The following CLSTN2 variants were observed in gnomAD, a reference collection of about 807,000 sequenced individuals.
CLSTN2 encodes calsyntenin 2.
CLSTN2 carries 48 observed loss-of-function variants against 101.2 expected under a neutral mutation model. That is an observed-to-expected ratio of 0.47 (90% confidence interval 0.38 to 0.60). CLSTN2 has a LOEUF of 0.60. CLSTN2 is among the 20% of genes least tolerant of loss of function. The pLI is 0.00. For synonymous variants in CLSTN2, 481 were observed against 463.6 expected (o/e 1.04, Z -0.48); for missense variants, 1,160 against 1,238.2 (o/e 0.94, Z 0.95).
At chr3:139,952,422 T>A (rs1046352604) in intron 1 of CLSTN2, among the ~76,000 whole-genome samples, 1 of 151,782 alleles carries the variant, frequency 6.6e-6, no homozygotes, top group Non-Finnish European at 1.5e-5. Flanking sequence ...TGACTTGACT[T>A]ACTAAAATGC....
intron 2 of CLSTN2, among the ~76,000 whole-genome samples, chr3:140,264,852 A>G (rs2086682385): frequency 6.6e-6 from 1 of 151,776 alleles, no homozygotes; most frequent in Non-Finnish European, 1.5e-5. Context: ...TAGATCTAAG[A>G]GTACAAGTGT....
intron 1 of CLSTN2, among the ~76,000 whole-genome samples, chr3:140,016,707 G>A (rs1457820169): frequency 1.4e-5 from 2 of 146,658 alleles, no homozygotes; most frequent in African/African-American, 2.5e-5. Flanking sequence ...GCTGAGGCAG[G>A]AGAATCGCTT....
chr3:140,383,791 A>G (rs2107965963), intron 2 of CLSTN2, among the ~76,000 whole-genome samples: 1 of 152,360 alleles, frequency 6.6e-6, no homozygotes, highest in East Asian at 1.9e-4. Context: ...TATTTACCAT[A>G]CAGTGAGATG....
chr3:140,163,647 T>C (rs1211157690), intron 1 of CLSTN2, among the ~76,000 whole-genome samples: 2 of 151,392 alleles, frequency 1.3e-5, no homozygotes, highest in Admixed American at 6.6e-5. Flanking sequence ...CATTGACTTC[T>C]TGTGGGGAGA....
At chr3:140,371,280 A>T (rs1382513909) in intron 2 of CLSTN2, among the ~76,000 whole-genome samples, 1 of 150,722 alleles carries the variant, frequency 6.6e-6, no homozygotes, top group Non-Finnish European at 1.5e-5. Flanking sequence ...GATAAGGGGT[A>T]GAGGCTGGAG....
intron 1 of CLSTN2, among the ~76,000 whole-genome samples, chr3:139,958,144 A>G (rs1935444092): frequency 6.6e-6 from 1 of 152,192 alleles, no homozygotes; most frequent in Non-Finnish European, 1.5e-5. Flanking sequence ...ACAGGAGGCC[A>G]GTCAGAGCAA....
intron 8 of CLSTN2, chr3:140,507,073 G>A (rs940145349): frequency 3.9e-5 from 6 of 152,136 alleles, no homozygotes; most frequent in Admixed American, 1.3e-4. Context: ...GAACATCGGG[G>A]GTTGAGCCTC....
chr3:139,940,254 G>A (rs1168815332), intron 1 of CLSTN2, among the ~76,000 whole-genome samples: 1 of 152,172 alleles, frequency 6.6e-6, no homozygotes, highest in Non-Finnish European at 1.5e-5. Context: ...GACAATTTAT[G>A]TGTTTTTCCT....
At chr3:140,475,193 C>T (rs574194150) in intron 8 of CLSTN2, among the ~76,000 whole-genome samples, 81 of 152,206 alleles carry the variant, frequency 5.3e-4, no homozygotes, top group Admixed American at 1.0e-3. Flanking sequence ...AGAGGCTGTA[C>T]CATGACTAAA....
chr3:140,130,254 G>A (rs1159146175), intron 1 of CLSTN2, among the ~76,000 whole-genome samples: 2 of 152,162 alleles, frequency 1.3e-5, no homozygotes, highest in African/African-American at 4.8e-5. Flanking sequence ...TTTGCCTTGT[G>A]GGAATGGCAG....
intron 1 of CLSTN2, among the ~76,000 whole-genome samples, chr3:140,005,214 C>A (rs1244828946): frequency 6.6e-6 from 1 of 152,200 alleles, no homozygotes; most frequent in Non-Finnish European, 1.5e-5. Flanking sequence ...CCCTTGGCCA[C>A]TAGTATTCTC....
chr3:139,996,356 C>T (rs560924236), intron 1 of CLSTN2, among the ~76,000 whole-genome samples: 160 of 152,296 alleles, frequency 1.1e-3, no homozygotes, highest in African/African-American at 3.8e-3. Context: ...TCCACATTTA[C>T]AAGATAATGC....
At chr3:140,529,488 T>A (rs1218142547) in intron 8 of CLSTN2, among the ~76,000 whole-genome samples, 1 of 152,244 alleles carries the variant, frequency 6.6e-6, no homozygotes, top group Non-Finnish European at 1.5e-5. Context: ...TTGCTGAATT[T>A]TCTTCTTTCT....
intron 5 of CLSTN2, among the ~76,000 whole-genome samples, chr3:140,444,640 T>C (rs1933034691): frequency 6.6e-6 from 1 of 152,198 alleles, no homozygotes; most frequent in Admixed American, 6.5e-5. Context: ...TAAACGGTAA[T>C]TTACCAATAA....
intron 1 of CLSTN2, among the ~76,000 whole-genome samples, chr3:139,997,719 G>A (rs1026652140): frequency 2.0e-5 from 3 of 151,918 alleles, no homozygotes; most frequent in African/African-American, 7.3e-5. Context: ...CATTTCAAAT[G>A]TACATTTTCA....
chr3:140,285,074 G>A (rs149914997), intron 2 of CLSTN2, among the ~76,000 whole-genome samples: 1 of 152,190 alleles, frequency 6.6e-6, no homozygotes, highest in East Asian at 1.9e-4. Flanking sequence ...CATTGCTGTG[G>A]GCAAGTGGAG....
chr3:139,967,644 T>C (rs1935623595), intron 1 of CLSTN2, among the ~76,000 whole-genome samples: 1 of 152,224 alleles, frequency 6.6e-6, no homozygotes, highest in African/African-American at 2.4e-5. Flanking sequence ...CCTTTCTGTT[T>C]CCCCTCCTGT....
At chr3:140,222,286 G>A (rs953668453) in intron 2 of CLSTN2, among the ~76,000 whole-genome samples, 2 of 152,184 alleles carry the variant, frequency 1.3e-5, no homozygotes, top group Non-Finnish European at 2.9e-5. Context: ...CATGGACATA[G>A]AGAGTAGAAG....
chr3:140,538,788 A>G (rs1935410069), intron 9 of CLSTN2, among the ~76,000 whole-genome samples: 1 of 152,230 alleles, frequency 6.6e-6, no homozygotes, highest in Admixed American at 6.5e-5. Context: ...CATGTTTTCC[A>G]AGGAGTTCTT....
Sources: allele counts gnomAD v4.1 joint callset (sites outside exome capture counted in the v4.1 genomes callset), GRCh38; gene constraint gnomAD v4.1.1; transcripts MANE v1.5; gene names NCBI Gene and HGNC (gene_info 2026-07-23, HGNC 2026-07-21).